Variants in SETD3 observed in about 807,000 individuals in gnomAD.
SETD3 encodes the protein SET domain containing 3, actin N3(tau)-histidine methyltransferase.
Under a neutral mutation model 63.0 loss-of-function variants are expected in SETD3, and 19 were observed. The observed-to-expected ratio is 0.30, with a 90% CI of 0.21 to 0.44. SETD3 has a LOEUF of 0.44. Among genes scored for constraint, SETD3 ranks in the 20% least tolerant of loss-of-function variants. SETD3 has a pLI of 1.00. For synonymous variants in SETD3, 286 were observed against 264.1 expected (o/e 1.08, Z -0.80); for missense variants, 587 against 728.5 (o/e 0.81, Z 2.24).
chr14:99,416,041 C>T (rs972693582), intron 6 of SETD3, among the ~76,000 whole-genome samples: 11 of 152,128 alleles, frequency 7.2e-5, no homozygotes, highest in Non-Finnish European at 2.9e-5. Flanking sequence ...AAAGAAAAAT[C>T]TCTGCTGTCT....
chr14:99,473,907 AC>A (rs1895833119), intron 1 of SETD3, among the ~76,000 whole-genome samples: 1 of 152,228 alleles, frequency 6.6e-6, no homozygotes, highest in Non-Finnish European at 1.5e-5. Flanking sequence ...TGAAACTTAT[AC>A]ATATCAGAAA....
At chr14:99,454,006 ACT>A (rs1894612884) in intron 6 of SETD3, among the ~76,000 whole-genome samples, 1 of 152,138 alleles carries the variant, frequency 6.6e-6, no homozygotes, top group Admixed American at 6.6e-5. Context: ...CGCTTTTCAC[ACT>A]GGAGCGTGAG....
intron 6 of SETD3, among the ~76,000 whole-genome samples, chr14:99,431,513 CAG>C (rs1349217196): frequency 1.3e-5 from 2 of 151,376 alleles, no homozygotes; most frequent in Non-Finnish European, 2.9e-5. Context: ...TTTTCTGAGA[CAG>C]AGTTTTGCTC....
At chr14:99,463,772 C>A (rs747813110) in intron 2 of SETD3, among the ~76,000 whole-genome samples, 194 bp from the exon 3 acceptor site, 3 of 152,184 alleles carry the variant, frequency 2.0e-5, no homozygotes, top group Non-Finnish European at 4.4e-5. Flanking sequence ...CAGACAAACC[C>A]TGGGGCATCA....
intron 6 of SETD3, 94 bp downstream of exon 6, chr14:99,458,185 C>T: frequency 7.3e-7 from 1 of 1,363,386 alleles, no homozygotes; most frequent in Non-Finnish European, 1.0e-6. Flanking sequence ...TTTAAGTATC[C>T]TTAATAAGAC....
chr14:99,463,516 G>T lies in SETD3; in HGVS notation c.166C>A (p.Leu56Met). The T allele has an allele frequency of 6.2e-7, 1 of 1,613,928 alleles. No individual in the cohort carries two copies. The highest frequency in any genetic ancestry group is 8.5e-7 in the Non-Finnish European group (1 of 1,179,984). Residue 56 changes from leucine (L) to methionine (M), a missense_variant, in exon 3 of 13, where the codon CTG becomes ATG. Coordinates refer to ENST00000331768, the MANE Select transcript of SETD3 (RefSeq NM_032233.3). ...EWEEYVQIRT[L>M]VEKIRKKQKG... ...TGCTTTTTCCGTATTTTCTCAACCAGAGTCCGGATCTGCACATACTCTTCC... is the reference window on the plus strand; with the variant it reads ...TGCTTTTTCCGTATTTTCTCAACCATAGTCCGGATCTGCACATACTCTTCC...
chr14:99,414,012 A>T (rs1162038679), intron 6 of SETD3, 78 bp from the exon 7 acceptor site: 1 of 1,334,736 alleles, frequency 7.5e-7, no homozygotes, highest in Non-Finnish European at 1.1e-6. Context: ...GAATTTCATT[A>T]TTTAGCTGCC....
intron 6 of SETD3, among the ~76,000 whole-genome samples, chr14:99,433,658 C>T (rs1299301118): frequency 1.3e-5 from 2 of 152,074 alleles, no homozygotes; most frequent in African/African-American, 2.4e-5. Flanking sequence ...AGGATGGTCT[C>T]GATCTCCTGA....
intron 6 of SETD3, among the ~76,000 whole-genome samples, chr14:99,431,364 C>A (rs377176161): frequency 9.2e-5 from 14 of 152,240 alleles, no homozygotes; most frequent in African/African-American, 3.4e-4. Context: ...ACAGGCAGAG[C>A]TGTGACTCAA....
intron 11 of SETD3, 78 bp from the exon 12 acceptor site, chr14:99,400,337 A>G: frequency 1.4e-6 from 2 of 1,458,048 alleles, no homozygotes; most frequent in South Asian, 2.6e-5. Context: ...TACCTTAGAA[A>G]ATATTGTTTC....
chr14:99,410,637 T>C (rs1891934430), intron 8 of SETD3, among the ~76,000 whole-genome samples: 1 of 152,252 alleles, frequency 6.6e-6, no homozygotes, highest in Admixed American at 6.5e-5. Context: ...GTGTTGTTTC[T>C]TCCAGCTTAG....
At chr14:99,403,468 C>CTCTG (rs1158768039) in intron 11 of SETD3, among the ~76,000 whole-genome samples, 150 of 140,972 alleles carry the variant, frequency 1.1e-3, no homozygotes, top group Non-Finnish European at 1.9e-3. Context: ...CTCTCTCTCT[C>CTCTG]TCTCTCTCTC....
At chr14:99,454,280 C>T (rs1162814631) in intron 6 of SETD3, among the ~76,000 whole-genome samples, 1 of 152,030 alleles carries the variant, frequency 6.6e-6, no homozygotes, top group Non-Finnish European at 1.5e-5. Flanking sequence ...GCCTTGACCT[C>T]TTAGGCTCAA....
intron 6 of SETD3, among the ~76,000 whole-genome samples, chr14:99,429,057 C>A (rs1343360866): frequency 1.3e-5 from 2 of 152,152 alleles, no homozygotes; most frequent in East Asian, 3.9e-4. Context: ...AAAATTCACA[C>A]AAACATATGA....
chr14:99,484,044 A>T (rs1412864535), upstream of SETD3, among the ~76,000 whole-genome samples: 6 of 152,240 alleles, frequency 3.9e-5, no homozygotes, highest in Non-Finnish European at 8.8e-5. Context: ...CAAAAAAAAT[A>T]AAAAATAAAT....
At chr14:99,440,707 G>T (rs574241802) in intron 6 of SETD3, among the ~76,000 whole-genome samples, 29 of 151,614 alleles carry the variant, frequency 1.9e-4, no homozygotes, top group Non-Finnish European at 1.3e-4. Flanking sequence ...CTGTGGGGAG[G>T]TAAGAGGCCT....
chr14:99,414,968 C>A (rs1407458176), intron 6 of SETD3, among the ~76,000 whole-genome samples: 1 of 152,194 alleles, frequency 6.6e-6, no homozygotes, highest in African/African-American at 2.4e-5. Context: ...GTAATGTACT[C>A]GCTGGCACCC....
intron 8 of SETD3, among the ~76,000 whole-genome samples, chr14:99,407,811 C>A (rs1891767764): frequency 6.6e-6 from 1 of 152,142 alleles, no homozygotes; most frequent in South Asian, 2.1e-4. Context: ...CCCCGTCGGT[C>A]ACACTTGGAA....
intron 1 of SETD3, among the ~76,000 whole-genome samples, chr14:99,467,267 A>G (rs1050530133): frequency 2.6e-5 from 4 of 152,242 alleles, no homozygotes; most frequent in African/African-American, 4.8e-5. Context: ...AAAATACATA[A>G]AACTTTTGCA....
Sources: gnomAD v4.1 joint callset for allele counts (sites outside exome capture counted in the v4.1 genomes callset) on GRCh38, gnomAD v4.1.1 for gene constraint, MANE v1.5 for transcripts, NCBI Gene and HGNC (gene_info 2026-07-23, HGNC 2026-07-21) for gene names.